Variants in MBOAT1 observed in about 807,000 individuals in gnomAD.
MBOAT1 encodes membrane bound glycerophospholipid O-acyltransferase 1.
MBOAT1 carries 67 observed loss-of-function variants against 64.4 expected under a neutral mutation model. The observed-to-expected ratio is 1.04, with a 90% CI of 0.85 to 1.27. The LOEUF is 1.27. MBOAT1 is among the 50% of genes most tolerant of loss of function. MBOAT1 has a pLI of 0.00. For synonymous variants in MBOAT1, 229 were observed against 218.9 expected, an observed-to-expected ratio of 1.05 and a Z score of -0.41; for missense variants, 563 against 604.6, an observed-to-expected ratio of 0.93 and a Z score of 0.72.
In MBOAT1 at chr6:20,151,173, C is replaced by G. The variant is rs1439943904; in HGVS notation, c.323+12G>C. 1.3e-6 allele frequency: 2 copies of G among 1,577,596 alleles called. No individual in the cohort carries two copies. The highest frequency in any genetic ancestry group is 2.7e-5 in the African/African-American group (2 of 74,038). ...AAATCTCACCTTGCATTGTTCATTC[C>G]CAGTATCTTACCTGTGAATATTGGA... On this transcript the variant is annotated intron_variant, in intron 3 of 12. Coordinates refer to ENST00000324607, the MANE Select transcript of MBOAT1 (RefSeq NM_001080480.3).
intron 1 of MBOAT1, among the ~76,000 whole-genome samples, chr6:20,158,249 C>T (rs1356469771): frequency 5.3e-5 from 8 of 151,668 alleles, no homozygotes; most frequent in East Asian, 1.9e-4. Context: ...CAGAATAGGA[C>T]AGAGAGTCCA....
chr6:20,109,628 A>T lies in MBOAT1; in HGVS notation c.1331T>A (p.Leu444Ter). Residue 444 changes from leucine to a stop codon, truncating the protein, a stop_gained, in exon 12 of 13, where the codon TTG becomes TAG. Coordinates refer to ENST00000324607, the MANE Select transcript of MBOAT1 (RefSeq NM_001080480.3). LOFTEE classifies it high-confidence loss of function. ...VSYTVAPFVM[L>*]AVEPTISLYK... ...TAAGCTGATGGTCGGTTCAACTGCC[A>T]ACATCACAAAGGGTGCTACCGTGTA... 1 of 1,613,896 alleles carries T rather than the reference A, an allele frequency of 6.2e-7. No homozygotes were observed. Among genetic ancestry groups the T allele is most frequent in the South Asian group, 1.1e-5 (1 of 91,058 alleles).
intron 1 of MBOAT1, among the ~76,000 whole-genome samples, chr6:20,181,838 G>A (rs1266584223): frequency 6.6e-6 from 1 of 152,170 alleles, no homozygotes; most frequent in Non-Finnish European, 1.5e-5. Flanking sequence ...ATAATTTAGT[G>A]CCTCTGAATA....
intron 1 of MBOAT1, among the ~76,000 whole-genome samples, chr6:20,209,526 C>T (rs990761339): frequency 2.0e-5 from 3 of 152,184 alleles, no homozygotes; most frequent in Non-Finnish European, 4.4e-5. Context: ...TGATAATAAA[C>T]TACTTGACAC....
chr6:20,203,596 C>T (rs1223431070), intron 1 of MBOAT1, among the ~76,000 whole-genome samples: 1 of 152,096 alleles, frequency 6.6e-6, no homozygotes, highest in East Asian at 1.9e-4. Flanking sequence ...CATTTCAATT[C>T]AACAAACATG....
In MBOAT1 at chr6:20,102,309, T is replaced by C. The variant is rs1299552892; in HGVS notation, c.1465A>G (p.Ile489Val). Reference sequence around the variant, plus strand: ...TATCAATCTGTTTTTCTCTTATTAATAGAGTTCAGAGTCTGAGGCCGCCTT... The same window carrying C: ...TATCAATCTGTTTTTCTCTTATTAACAGAGTTCAGAGTCTGAGGCCGCCTT... Reference protein sequence around the residue: ...TQRRPQTLNSINKRKTD With the variant: ...TQRRPQTLNSVNKRKTD Residue 489 changes from isoleucine to valine, a missense_variant, in exon 13 of 13, where the codon ATT (isoleucine) becomes GTT (valine). Ile to Val is a conservative substitution (Grantham distance 29). Transcript: ENST00000324607. 7 of 1,613,890 alleles carry C rather than the reference T, an allele frequency of 4.3e-6. No homozygotes were observed. The highest frequency in any genetic ancestry group is 1.3e-5 in the African/African-American group (1 of 75,014).
intron 4 of MBOAT1, among the ~76,000 whole-genome samples, chr6:20,138,889 C>T (rs1406489411): frequency 6.6e-6 from 1 of 152,180 alleles, no homozygotes; most frequent in African/African-American, 2.4e-5. Context: ...CTTCTGCAGG[C>T]GCTGAGAGAG....
intron 1 of MBOAT1, among the ~76,000 whole-genome samples, chr6:20,157,737 T>C (rs1761736476): frequency 1.3e-5 from 2 of 149,330 alleles, no homozygotes; most frequent in Admixed American, 6.6e-5. Flanking sequence ...GACGTTAAAC[T>C]GTAAAAAAAA....
chr6:20,206,000 C>A (rs1763254514), intron 1 of MBOAT1, among the ~76,000 whole-genome samples: 1 of 152,092 alleles, frequency 6.6e-6, no homozygotes, highest in Non-Finnish European at 1.5e-5. Flanking sequence ...CTGCCCCTAA[C>A]TTCCTTCTCC....
chr6:20,174,140 T>C (rs1488604950), intron 1 of MBOAT1, among the ~76,000 whole-genome samples: 1 of 152,196 alleles, frequency 6.6e-6, no homozygotes, highest in African/African-American at 2.4e-5. Flanking sequence ...ATTTTTCCAA[T>C]TGAATGTGAG....
chr6:20,173,882 T>C (rs994120769), intron 1 of MBOAT1, among the ~76,000 whole-genome samples: 1 of 151,892 alleles, frequency 6.6e-6, no homozygotes, highest in African/African-American at 2.4e-5. Context: ...ACCAGGGAGG[T>C]AGAAGTTGCA....
At position 20,152,666 on chromosome 6, in the gene MBOAT1, G is replaced by A; in HGVS notation, c.203C>T (p.Ala68Val). The A allele has an allele frequency of 6.2e-7, 1 of 1,611,426 alleles. No homozygotes were observed. The highest frequency in any genetic ancestry group is 1.1e-5 in the South Asian group (1 of 90,804). Residue 68 changes from alanine (A) to valine (V), a missense_variant, in exon 2 of 13, where the codon GCC becomes GTC. Ala to Val is a moderately conservative substitution (Grantham distance 64). Coordinates refer to ENST00000324607, the MANE Select transcript of MBOAT1 (RefSeq NM_001080480.3). ...GACAAAATAGATGCCAAAAATGGTG[G>A]CAACCGCATGCCGGACATCAGAGCT... is the stretch of plus-strand genomic sequence containing the variant. ...TTSSDVRHAV[A>V]TIFGIYFVIF...
chr6:20,173,166 C>T (rs1221043648), intron 1 of MBOAT1, among the ~76,000 whole-genome samples: 1 of 152,216 alleles, frequency 6.6e-6, no homozygotes, highest in South Asian at 2.1e-4. Context: ...GTACAGCCTG[C>T]AGAACCATAA....
rs1009240921 is a variant in MBOAT1, at chr6:20,107,821, A to G, written c.1361+1777T>C. 2.6e-4 allele frequency among the ~76,000 whole-genome samples: 39 copies of G among 152,004 alleles called. 1 individual carries two copies. The highest frequency in any genetic ancestry group is 1.3e-4 in the Admixed American group (2 of 15,268). ...AAAAAAAAAAGCATGTTAGAAATAGATAATTCAAAACCTAGGAGGACTCTG... is the reference window on the plus strand; with the variant it reads ...AAAAAAAAAAGCATGTTAGAAATAGGTAATTCAAAACCTAGGAGGACTCTG... On this transcript the variant is annotated intron_variant, in intron 12 of 12. Coordinates refer to ENST00000324607, the MANE Select transcript of MBOAT1 (RefSeq NM_001080480.3).
intron 11 of MBOAT1, among the ~76,000 whole-genome samples, chr6:20,111,839 T>TATATATATAC (rs1760161381): frequency 7.5e-6 from 1 of 133,048 alleles, no homozygotes; most frequent in Admixed American, 7.9e-5. Context: ...TATATACACA[T>TATATATATAC]ATATATACAT....
At chr6:20,201,582 G>T (rs139327939) in intron 1 of MBOAT1, among the ~76,000 whole-genome samples, 1 of 142,874 alleles carries the variant, frequency 7.0e-6, no homozygotes, top group East Asian at 2.0e-4. Flanking sequence ...TCAGATAAGT[G>T]ATTTTTTTTT....
At chr6:20,200,698 T>G (rs1187327095) in intron 1 of MBOAT1, among the ~76,000 whole-genome samples, 1 of 152,096 alleles carries the variant, frequency 6.6e-6, no homozygotes, top group Non-Finnish European at 1.5e-5. Flanking sequence ...AGTGTCCATA[T>G]TCCTGGGGAA....
rs182458582 is a variant in MBOAT1 at position 20,201,050 on chromosome 6, G to A, written c.99+11086C>T. Among the ~76,000 whole-genome samples the A allele has an allele frequency of 1.4e-4, 22 of 152,312 alleles. No homozygotes were observed. In the East Asian group the frequency reaches 3.9e-3, roughly 27 times the overall value. On this transcript the variant is annotated intron_variant, in intron 1 of 12. Coordinates refer to ENST00000324607, the MANE Select transcript of MBOAT1 (RefSeq NM_001080480.3). The stretch of plus-strand genomic sequence containing the variant: ...GCAGTTTAGACACAAGAGGTGATGA[G>A]GATCTCTAGAGCTGTCCTGCTGCCA...
Position 20,185,607 on chromosome 6 carries a change from T to C in MBOAT1, c.99+26529A>G, listed in dbSNP as rs1762629578. On this transcript the variant is annotated intron_variant, in intron 1 of 12. Coordinates refer to ENST00000324607, the MANE Select transcript of MBOAT1 (RefSeq NM_001080480.3). ...ATCTTTCGCTCTCTCCACACTTACA[T>C]ACAAATACACACATACACACCTGGT... Among the ~76,000 whole-genome samples, 9 of 152,186 alleles carry C rather than the reference T, an allele frequency of 5.9e-5. No individual in the cohort carries two copies. The South Asian group carries it at 1.9e-3, about 31-fold the overall frequency.
Sources: gnomAD v4.1 joint callset for allele counts (sites outside exome capture counted in the v4.1 genomes callset) on GRCh38, gnomAD v4.1.1 for gene constraint, MANE v1.5 for transcripts, NCBI Gene and HGNC (gene_info 2026-07-23, HGNC 2026-07-21) for gene names.